Variants in PLGRKT observed in about 807,000 individuals in gnomAD.
The protein encoded by PLGRKT is plasminogen receptor (KT).
PLGRKT carries 22 observed loss-of-function variants against 18.5 expected under a neutral mutation model. The observed-to-expected ratio is 1.19, with a 90% CI of 0.85 to 1.70. The LOEUF (loss-of-function observed/expected upper bound fraction) is 1.70, where lower values mean the gene tolerates loss of function less well. Among genes scored for constraint, PLGRKT ranks in the 40% most tolerant of loss-of-function variants. PLGRKT has a pLI of 0.00. For missense variants in PLGRKT, 235 were observed against 174.4 expected (o/e 1.35, Z -1.96); for synonymous variants, 72 against 52.8 (o/e 1.36, Z -1.58).
intron 3 of PLGRKT, among the ~76,000 whole-genome samples, chr9:5,402,341 T>C (rs1454853849): frequency 2.0e-5 from 3 of 151,774 alleles, no homozygotes; most frequent in Non-Finnish European, 2.9e-5. Context: ...GGGCTGACAA[T>C]AGCAGGAAAC....
intron 3 of PLGRKT, among the ~76,000 whole-genome samples, chr9:5,414,073 C>A (rs1050857880): frequency 6.6e-6 from 1 of 151,950 alleles, no homozygotes; most frequent in East Asian, 1.9e-4. Context: ...AGATTAAACA[C>A]CTATAGAGGA....
rs1291152557 is a variant in PLGRKT, at chr9:5,404,892, C to T, written c.81+27005G>A. Among the ~76,000 whole-genome samples the T allele has an allele frequency of 2.0e-5, 3 of 152,098 alleles. No homozygotes were observed. In the East Asian group the frequency reaches 5.8e-4, roughly 29 times the overall value. On this transcript the variant is annotated intron_variant, in intron 3 of 5. Coordinates refer to ENST00000223864, the MANE Select transcript of PLGRKT (RefSeq NM_018465.4). The stretch of plus-strand genomic sequence containing the variant: ...ACCTAGAAAACCCCATTGACTCAGC[C>T]CAAAAGCTTCTTAAGTTGATAAGCA...
At chr9:5,395,088 G>A (rs1818019694) in intron 3 of PLGRKT, among the ~76,000 whole-genome samples, 1 of 147,794 alleles carries the variant, frequency 6.8e-6, no homozygotes, top group African/African-American at 2.5e-5. Flanking sequence ...GATTTTCCTA[G>A]TGGTGAAAAG....
intron 3 of PLGRKT, chr9:5,381,857 A>G (rs1817753145): frequency 2.0e-6 from 2 of 981,938 alleles, no homozygotes; most frequent in African/African-American, 3.5e-5. Context: ...AATTTAACTA[A>G]CATACCTTCC....
Position 5,364,741 on chromosome 9 carries a change from C to G in PLGRKT, c.82-2853G>C, listed in dbSNP as rs769383391. Reference sequence around the variant, plus strand: ...TCTCACGAGTTACAGATTAACAATTCTGAAACTGCTTTACATGTCTACTGG... The same window carrying G: ...TCTCACGAGTTACAGATTAACAATTGTGAAACTGCTTTACATGTCTACTGG... On this transcript the variant is annotated intron_variant, in intron 3 of 5. Coordinates refer to ENST00000223864, the MANE Select transcript of PLGRKT (RefSeq NM_018465.4). Among the ~76,000 whole-genome samples the G allele has an allele frequency of 2.6e-5, 4 of 152,310 alleles. No individual in the cohort carries two copies. The Middle Eastern group carries it at 0.014, about 518-fold the overall frequency.
intron 3 of PLGRKT, among the ~76,000 whole-genome samples, chr9:5,402,941 A>G (rs1224294063): frequency 1.3e-5 from 2 of 151,972 alleles, no homozygotes; most frequent in African/African-American, 4.9e-5. Context: ...GAAAACAGAA[A>G]TGAGCAAGGG....
At chr9:5,371,844 T>C (rs909509700) in intron 3 of PLGRKT, among the ~76,000 whole-genome samples, 3 of 151,948 alleles carry the variant, frequency 2.0e-5, no homozygotes, top group Non-Finnish European at 4.4e-5. Context: ...ATAGCTAATA[T>C]TCCACTATGT....
At chr9:5,362,465 C>G (rs1162333516) in intron 3 of PLGRKT, among the ~76,000 whole-genome samples, 1 of 151,998 alleles carries the variant, frequency 6.6e-6, no homozygotes, top group East Asian at 1.9e-4. Flanking sequence ...GCAGATGGCT[C>G]AGAACAGAGA....
At chr9:5,383,821 C>G (rs1466500488) in intron 3 of PLGRKT, among the ~76,000 whole-genome samples, 1 of 152,156 alleles carries the variant, frequency 6.6e-6, no homozygotes, top group Non-Finnish European at 1.5e-5. Context: ...AGTCCGGTTC[C>G]TAATGGGCCA....
chr9:5,434,012 G>C (rs1818898604), intron 2 of PLGRKT, among the ~76,000 whole-genome samples: 2 of 142,490 alleles, frequency 1.4e-5, no homozygotes, highest in South Asian at 2.3e-4. Context: ...GAAGTGAGGA[G>C]CGCCTCTGCC....
rs1424350556 is a variant in PLGRKT, at chr9:5,418,018, A to G, written c.81+13879T>C. On this transcript the variant is annotated intron_variant, in intron 3 of 5. Transcript: ENST00000223864. The surrounding 1 kb of genome is among the most constrained non-coding windows in gnomAD (Gnocchi z 4.2). ...TTTTAATCTAACGGATTTCGAGAAG[A>G]TCACATTGTACGCACTTGTGGAGTT... Among the ~76,000 whole-genome samples the G allele has an allele frequency of 6.6e-6, 1 of 152,228 alleles. No individual in the cohort carries two copies. Among genetic ancestry groups the G allele is most frequent in the Non-Finnish European group, 1.5e-5 (1 of 68,048 alleles).
At chr9:5,375,968 G>C (rs950087675) in intron 3 of PLGRKT, among the ~76,000 whole-genome samples, 5 of 152,154 alleles carry the variant, frequency 3.3e-5, no homozygotes, top group Non-Finnish European at 7.4e-5. Flanking sequence ...ATCAACGGAT[G>C]ACTCGGTAAA....
chr9:5,418,467 A>T lies in PLGRKT; in HGVS notation c.81+13430T>A. On this transcript the variant is annotated intron_variant, in intron 3 of 5. Transcript: ENST00000223864. The surrounding 1 kb of genome is among the most constrained non-coding windows in gnomAD (Gnocchi z 4.2). ...CCAAGACGCAAGCCACCAAGATGACAGTGCACACCCTCAACCACATGGAGC... is the reference window on the plus strand; with the variant it reads ...CCAAGACGCAAGCCACCAAGATGACTGTGCACACCCTCAACCACATGGAGC... 1 of 1,049,550 alleles carries T rather than the reference A, an allele frequency of 9.5e-7. No homozygotes were observed. The highest frequency in any genetic ancestry group is 1.5e-6 in the Non-Finnish European group (1 of 672,198). 65.0% of individuals were successfully genotyped at this position (1,049,550 alleles called of 1,614,324 possible).
chr9:5,437,314 C>T (rs1818979389), intron 1 of PLGRKT, among the ~76,000 whole-genome samples: 1 of 152,204 alleles, frequency 6.6e-6, no homozygotes, highest in African/African-American at 2.4e-5. Context: ...ATTTCCCGAT[C>T]AGATGACACA....
intron 3 of PLGRKT, among the ~76,000 whole-genome samples, chr9:5,426,927 G>A (rs1044435351): frequency 4.6e-5 from 7 of 152,176 alleles, no homozygotes; most frequent in Non-Finnish European, 1.0e-4. Flanking sequence ...ATGGGACTTG[G>A]AGTGCGTGCC....
intron 3 of PLGRKT, among the ~76,000 whole-genome samples, chr9:5,407,174 C>A (rs79561557): frequency 0.026 from 3,918 of 152,174 alleles, 175 homozygotes; most frequent in African/African-American, 0.09. Context: ...GATTGACAAT[C>A]AAATGAATGT....
chr9:5,421,281 G>C (rs370154608), intron 3 of PLGRKT, among the ~76,000 whole-genome samples: 11 of 152,288 alleles, frequency 7.2e-5, no homozygotes, highest in African/African-American at 2.6e-4. Context: ...CTATCTGCAT[G>C]GCTCACTTTG....
chr9:5,374,063 A>G (rs1361959966), intron 3 of PLGRKT, among the ~76,000 whole-genome samples: 1 of 152,112 alleles, frequency 6.6e-6, no homozygotes, highest in Non-Finnish European at 1.5e-5. Flanking sequence ...GGCTCTAACC[A>G]CTACTTCTTG....
intron 3 of PLGRKT, among the ~76,000 whole-genome samples, chr9:5,366,045 GTTAA>G (rs1344979964): frequency 1.3e-5 from 2 of 152,174 alleles, no homozygotes; most frequent in South Asian, 2.1e-4. Context: ...GATCTATAAT[GTTAA>G]TTATCAATTA....
Sources: allele counts gnomAD v4.1 joint callset (sites outside exome capture counted in the v4.1 genomes callset), GRCh38; gene constraint gnomAD v4.1.1; non-coding constraint Gnocchi (gnomAD v3.1); transcripts MANE v1.5; gene names NCBI Gene and HGNC (gene_info 2026-07-23, HGNC 2026-07-21).